NAV2: variants seen among roughly 807,000 people sequenced by gnomAD.
The protein encoded by NAV2 is helicase, APC down-regulated 1.
Under a neutral mutation model 223.2 loss-of-function variants are expected in NAV2, and 54 were observed. The ratio of observed to expected loss-of-function variants is 0.24; its 90% CI spans 0.19 to 0.30. The LOEUF is 0.30. Ranked by LOEUF, NAV2 falls within the 10% of genes least tolerant of loss-of-function variation. The probability of loss-of-function intolerance (pLI) is 1.00; values close to 1 mark genes in which losing one functional copy is unlikely to be tolerated. For synonymous variants in NAV2, 1,279 were observed against 1,239.3 expected (o/e 1.03, Z -0.67); for missense variants, 2,806 against 3,147.5 (o/e 0.89, Z 2.60).
At chr11:19,773,433 G>A (rs1411526507) in intron 1 of NAV2, among the ~76,000 whole-genome samples, 2 of 152,298 alleles carry the variant, frequency 1.3e-5, no homozygotes, top group East Asian at 3.9e-4. Context: ...AGGGAGATAG[G>A]CTAAGCTGGC....
chr11:20,008,106 C>G (rs942599316), intron 11 of NAV2, among the ~76,000 whole-genome samples: 15 of 152,254 alleles, frequency 9.9e-5, no homozygotes, highest in African/African-American at 3.6e-4. Flanking sequence ...GTGGCTTATG[C>G]CTGTAATCCC....
At chr11:20,011,783 T>A (rs2053578550) in intron 11 of NAV2, among the ~76,000 whole-genome samples, 1 of 152,276 alleles carries the variant, frequency 6.6e-6, no homozygotes. Context: ...TTCTTAATGG[T>A]CACACACAGG....
At chr11:20,025,685 T>A (rs2054979844) in intron 11 of NAV2, among the ~76,000 whole-genome samples, 1 of 152,248 alleles carries the variant, frequency 6.6e-6, no homozygotes, top group African/African-American at 2.4e-5. Flanking sequence ...TGATGGCTGC[T>A]AAATCCCCTT....
chr11:19,443,679 C>T (rs1851482302), intron 1 of NAV2, among the ~76,000 whole-genome samples: 1 of 152,208 alleles, frequency 6.6e-6, no homozygotes, highest in African/African-American at 2.4e-5. Flanking sequence ...TCAAGCTCTG[C>T]TTTCTACAAG....
At chr11:19,505,634 T>C (rs546447107) in intron 1 of NAV2, 1 of 152,216 alleles carries the variant, frequency 6.6e-6, no homozygotes, top group African/African-American at 2.4e-5. Flanking sequence ...ATTGCATCTC[T>C]CAGGTGGGGG....
At chr11:19,585,878 G>A (rs1352865462) in intron 1 of NAV2, among the ~76,000 whole-genome samples, 1 of 152,148 alleles carries the variant, frequency 6.6e-6, no homozygotes, top group Non-Finnish European at 1.5e-5. Flanking sequence ...TCTTCTCGAG[G>A]AGTATGTTTG....
rs193039703 is a variant in NAV2, at chr11:19,784,997, C to G, written c.268-47487C>G. ...ATTAATGTTAGGGTTGGAAATTTAC[C>G]TGAGCAGTGGACTTGGGAGATGAGC... On this transcript the variant is annotated intron_variant, in intron 1 of 37. Transcript: ENST00000349880. Among the ~76,000 whole-genome samples, 215 of 152,252 alleles carry G rather than the reference C, an allele frequency of 1.4e-3. 1 individual carries two copies. The highest frequency in any genetic ancestry group is 5.1e-3 in the African/African-American group (211 of 41,540).
At chr11:19,450,732 C>T (rs1851762178) in intron 1 of NAV2, among the ~76,000 whole-genome samples, 1 of 152,212 alleles carries the variant, frequency 6.6e-6, no homozygotes, top group South Asian at 2.1e-4. Context: ...CTAAATCAAG[C>T]AGCTGGGTTG....
intron 10 of NAV2, among the ~76,000 whole-genome samples, chr11:19,974,643 G>A (rs996886263): frequency 6.6e-6 from 1 of 152,152 alleles, no homozygotes; most frequent in Non-Finnish European, 1.5e-5. Context: ...TTAGGGCATG[G>A]TGGCATGCGC....
intron 11 of NAV2, among the ~76,000 whole-genome samples, chr11:20,023,485 G>A (rs2054704162): frequency 6.6e-6 from 1 of 152,086 alleles, no homozygotes; most frequent in African/African-American, 2.4e-5. Flanking sequence ...GAAAATCTGG[G>A]TATTGATCAC....
chr11:20,101,059 A>C lies in NAV2; in HGVS notation c.6304A>C (p.Thr2102Pro). Reference sequence around the variant, plus strand: ...GATCATTCTCTCTGGCCCCAGCGGCACTGGGAAAACCTACCTGGCCAACCG... The same window carrying C: ...GATCATTCTCTCTGGCCCCAGCGGCCCTGGGAAAACCTACCTGGCCAACCG... ...RRIILSGPSG[T>P]GKTYLANRLS... Residue 2102 changes from threonine to proline, a missense_variant, in exon 32 of 38, where the codon ACT (threonine) becomes CCT (proline). By Grantham distance (38) the Thr-to-Pro change is conservative (BLOSUM62 -1). Transcript: ENST00000349880. 6.2e-7 allele frequency: 1 copy of C among 1,614,108 alleles called. No individual in the cohort carries two copies. Among genetic ancestry groups the C allele is most frequent in the Non-Finnish European group, 8.5e-7 (1 of 1,180,004 alleles).
chr11:19,890,112 C>T (rs559602422), intron 5 of NAV2, among the ~76,000 whole-genome samples: 8 of 152,312 alleles, frequency 5.3e-5, no homozygotes, highest in African/African-American at 1.9e-4. Context: ...AGATTTACAG[C>T]TATACCCAAT....
At chr11:19,404,720 AATCGAGTG>A in intron 1 of NAV2, among the ~76,000 whole-genome samples, 1 of 152,180 alleles carries the variant, frequency 6.6e-6, no homozygotes, top group East Asian at 1.9e-4. Flanking sequence ...TTTTATGCTA[AATCGAGTG>A]ATCACAACCC....
At chr11:19,894,940 G>A (rs1418320466) in intron 6 of NAV2, among the ~76,000 whole-genome samples, 1 of 151,948 alleles carries the variant, frequency 6.6e-6, no homozygotes, top group African/African-American at 2.4e-5. Context: ...ATGTTGGTCA[G>A]GCTGGTCTCG....
intron 3 of NAV2, among the ~76,000 whole-genome samples, chr11:19,852,615 T>C (rs1012311915): frequency 1.3e-5 from 2 of 152,232 alleles, no homozygotes; most frequent in Non-Finnish European, 2.9e-5. Context: ...CTAACATATG[T>C]TTGTCTTGTT....
At chr11:20,082,885 C>T (rs185403020) in intron 25 of NAV2, 122 bp from the exon 26 acceptor site, 2 of 975,474 alleles carry the variant, frequency 2.1e-6, no homozygotes, top group East Asian at 2.6e-5. Context: ...TTGGGAACCT[C>T]TTCCATTGGT....
Position 19,998,979 on chromosome 11 carries a change from A to C in NAV2, c.2768+14732A>C, listed in dbSNP as rs756396704. 3.3e-5 allele frequency among the ~76,000 whole-genome samples: 5 copies of C among 152,254 alleles called. No individual in the cohort carries two copies. Among genetic ancestry groups the C allele is most frequent in the African/African-American group, 4.8e-5 (2 of 41,470 alleles). ...CGTTTGCAGGTGAATCCCCTCTCCC[A>C]GCACAGGGCCCGTCCAGAGAGGGTG... On this transcript the variant is annotated intron_variant, in intron 11 of 37. Coordinates refer to ENST00000349880, the MANE Select transcript of NAV2 (RefSeq NM_145117.5). This position sits in a 1 kb window ranked among gnomAD's most constrained non-coding sequence, Gnocchi z 5.0.
chr11:20,079,099 G>C (rs143638775), intron 24 of NAV2, among the ~76,000 whole-genome samples: 3,152 of 152,210 alleles, frequency 0.021, 36 homozygotes, highest in African/African-American at 0.025. Flanking sequence ...GGAGTGCACT[G>C]GCATGATCTC....
intron 1 of NAV2, among the ~76,000 whole-genome samples, chr11:19,442,168 G>A (rs1851428463): frequency 6.6e-6 from 1 of 152,196 alleles, no homozygotes; most frequent in Non-Finnish European, 1.5e-5. Flanking sequence ...AGGGCCCTGG[G>A]GAGGGGAGAC....
Sources: allele counts gnomAD v4.1 joint callset (sites outside exome capture counted in the v4.1 genomes callset), GRCh38; gene constraint gnomAD v4.1.1; non-coding constraint Gnocchi (gnomAD v3.1); transcripts MANE v1.5; gene names NCBI Gene and HGNC (gene_info 2026-07-23, HGNC 2026-07-21).